DPP6: variants seen among roughly 807,000 people sequenced by gnomAD.
DPP6 encodes the protein dipeptidyl peptidase like 6, also known as A-type potassium channel modulatory protein DPP6.
A neutral mutation model predicts 122.6 loss-of-function variants in DPP6; 69 were observed. The observed-to-expected ratio is 0.56, with a 90% CI of 0.46 to 0.69. DPP6 has a LOEUF of 0.69. Ranked by LOEUF, DPP6 falls within the 30% of genes least tolerant of loss-of-function variation. The probability of loss-of-function intolerance (pLI) is 0.00; values close to 1 mark genes in which losing one functional copy is unlikely to be tolerated. For synonymous variants in DPP6, 418 were observed against 433.1 expected (o/e 0.97, Z 0.43); for missense variants, 928 against 1,116.9 (o/e 0.83, Z 2.41).
In DPP6 at chr7:154,245,635, C is replaced by CAAAAAAAAAAAA. The variant is rs71182888; in HGVS notation, c.243+192578_243+192589dup. On this transcript the variant is annotated intron_variant, in intron 1 of 25. Coordinates refer to ENST00000377770, the MANE Select transcript of DPP6 (RefSeq NM_130797.4). Reference sequence around the variant, plus strand: ...CTGGGCAACAAGAGTAAGACTGTCTCAAAAAAAAAAAAAAAAAGCTATGGC... The same window carrying CAAAAAAAAAAAA: ...CTGGGCAACAAGAGTAAGACTGTCTCAAAAAAAAAAAAAAAAAAAAAAAAAAAAAGCTATGGC... 3.9e-3 allele frequency among the ~76,000 whole-genome samples: 390 copies of CAAAAAAAAAAAA among 100,528 alleles called. 5 individuals carry two copies. The highest frequency in any genetic ancestry group is 5.1e-3 in the Non-Finnish European group (258 of 50,872). 66.0% of individuals were successfully genotyped at this position (100,528 alleles called of 152,430 possible).
At chr7:154,153,759 A>G (rs1163283873) in intron 1 of DPP6, among the ~76,000 whole-genome samples, 2 of 152,258 alleles carry the variant, frequency 1.3e-5, no homozygotes, top group South Asian at 4.1e-4. Context: ...ACTTGAAGCA[A>G]TAGTCAACAC....
At chr7:154,461,041 A>C (rs1586342447) in intron 2 of DPP6, among the ~76,000 whole-genome samples, 1 of 144,862 alleles carries the variant, frequency 6.9e-6, no homozygotes. Flanking sequence ...CCATTTTTCT[A>C]CTCCCTAGCT....
intron 2 of DPP6, among the ~76,000 whole-genome samples, chr7:154,461,329 G>A (rs560668129): frequency 6.6e-6 from 1 of 152,126 alleles, no homozygotes; most frequent in South Asian, 2.1e-4. Flanking sequence ...AACTAACAAA[G>A]GAGTGCAGGT....
At chr7:154,541,512 T>C (rs914598416) in intron 4 of DPP6, among the ~76,000 whole-genome samples, 8 of 152,234 alleles carry the variant, frequency 5.3e-5, no homozygotes, top group Non-Finnish European at 1.5e-5. Flanking sequence ...ACTGGAGTTA[T>C]ACACCAAAAT....
At chr7:154,065,748 G>A (rs138580737) in intron 1 of DPP6, among the ~76,000 whole-genome samples, 3 of 152,068 alleles carry the variant, frequency 2.0e-5, no homozygotes, top group African/African-American at 7.2e-5. Flanking sequence ...TGTGTTCCAC[G>A]GACATCAGTG....
the DPP6 span, among the ~76,000 whole-genome samples, chr7:153,829,666 G>A: frequency 2.6e-5 from 4 of 152,168 alleles, no homozygotes; most frequent in African/African-American, 9.7e-5. Context: ...ATACAGCTGT[G>A]AGGAAAGGAA....
intron 5 of DPP6, among the ~76,000 whole-genome samples, chr7:154,600,141 T>C (rs1833344628): frequency 6.6e-6 from 1 of 152,112 alleles, no homozygotes; most frequent in African/African-American, 2.4e-5. Context: ...CCTTTTTTCT[T>C]TTCTGAGATG....
chr7:153,986,227 C>A (rs1796842926), intron 1 of DPP6, among the ~76,000 whole-genome samples: 1 of 152,164 alleles, frequency 6.6e-6, no homozygotes, highest in African/African-American at 2.4e-5. Flanking sequence ...AAGAACTCAT[C>A]ATGTAAAAAA....
chr7:154,342,500 T>A (rs989224633), intron 1 of DPP6, among the ~76,000 whole-genome samples: 1 of 152,050 alleles, frequency 6.6e-6, no homozygotes, highest in South Asian at 2.1e-4. Flanking sequence ...AGCTGCTGAG[T>A]TGGGGGTGAA....
rs142951217 is a variant in DPP6, at chr7:154,467,534, A to T, written c.359-7405A>T. ...TGCTTCCCCTTTTCCTTCTACCATG[A>T]TTGTAAGTTTCCTGAGGCCTCCCCA... On this transcript the variant is annotated intron_variant, in intron 2 of 25. Transcript: ENST00000377770. Among the ~76,000 whole-genome samples the T allele has an allele frequency of 4.6e-5, 7 of 152,216 alleles. No individual in the cohort carries two copies. The East Asian group carries it at 1.4e-3, about 29-fold the overall frequency.
At position 154,376,982 on chromosome 7, in the gene DPP6, G is replaced by T. The variant is rs187610970; in HGVS notation, c.244-69232G>T. 2.0e-5 allele frequency among the ~76,000 whole-genome samples: 3 copies of T among 151,986 alleles called. No individual in the cohort carries two copies. In the East Asian group the frequency reaches 5.8e-4, roughly 29 times the overall value. On this transcript the variant is annotated intron_variant, in intron 1 of 25. Transcript: ENST00000377770. ...CTGGAGGGATTCTTAAGTTGTTTTG[G>T]GTATCTTACAGCAAACACTTTTAGT...
At chr7:154,832,424 C>T (rs6597428) in intron 16 of DPP6, among the ~76,000 whole-genome samples, 122,532 of 152,136 alleles carry the variant, frequency 0.81, 49,604 homozygotes, top group East Asian at 0.99. Flanking sequence ...CATGAAGTCT[C>T]TACCCAACAA....
At chr7:153,761,038 G>C in the DPP6 span, among the ~76,000 whole-genome samples, 1 of 152,056 alleles carries the variant, frequency 6.6e-6, no homozygotes, top group Admixed American at 6.5e-5. Flanking sequence ...TCCATCATCC[G>C]CTTTAGTCTG....
At chr7:154,154,607 C>G (rs1796589171) in intron 1 of DPP6, among the ~76,000 whole-genome samples, 1 of 152,208 alleles carries the variant, frequency 6.6e-6, no homozygotes. Context: ...AGAACAAAAC[C>G]ATAGATGGAA....
intron 3 of DPP6, among the ~76,000 whole-genome samples, chr7:154,531,854 T>C (rs971969271): frequency 2.6e-5 from 4 of 152,066 alleles, no homozygotes; most frequent in African/African-American, 9.7e-5. Context: ...ACTTTGAAAA[T>C]TTAATGGTAT....
rs550964685 is a variant in DPP6, at chr7:153,922,805, C to T, written c.51+35071C>T. ...AAAGGGTTCTATCCTGAATAGCCCA[C>T]GCTGGGTTTAAGGAGAGGCCTTAGC... On this transcript the variant is annotated intron_variant, in intron 1 of 25. Coordinates refer to the DPP6 transcript ENST00000404039. 1.4e-4 allele frequency among the ~76,000 whole-genome samples: 22 copies of T among 152,310 alleles called. 1 individual carries two copies. The South Asian group carries it at 2.5e-3, about 17-fold the overall frequency.
At chr7:154,021,442 T>A (rs1328195514) in intron 1 of DPP6, among the ~76,000 whole-genome samples, 1 of 152,166 alleles carries the variant, frequency 6.6e-6, no homozygotes, top group Non-Finnish European at 1.5e-5. Context: ...GAAGAGGCCT[T>A]TGTGCCATGC....
At chr7:154,580,129 G>C (rs1223082328) in intron 5 of DPP6, among the ~76,000 whole-genome samples, 1 of 148,676 alleles carries the variant, frequency 6.7e-6, no homozygotes, top group South Asian at 2.1e-4. Flanking sequence ...TATGTCTGAC[G>C]ATCTGCCTCT....
At chr7:154,800,520 G>A (rs987966600) in intron 12 of DPP6, among the ~76,000 whole-genome samples, 6 of 152,230 alleles carry the variant, frequency 3.9e-5, no homozygotes, top group African/African-American at 1.4e-4. Flanking sequence ...CAAAGCAACA[G>A]CCACCCTGTG....
Sources: allele counts gnomAD v4.1 joint callset (sites outside exome capture counted in the v4.1 genomes callset), GRCh38; gene constraint gnomAD v4.1.1; transcripts MANE v1.5; gene names NCBI Gene and HGNC (gene_info 2026-07-23, HGNC 2026-07-21).